FDFT1: variants seen among roughly 807,000 people sequenced by gnomAD.
FDFT1 encodes the protein farnesyl-diphosphate farnesyltransferase 1.
In FDFT1, 68 loss-of-function variants were observed where a neutral mutation model predicts 46.8. The ratio of observed to expected loss-of-function variants is 1.45; its 90% CI spans 1.19 to 1.78. The LOEUF is 1.78. Among genes scored for constraint, FDFT1 ranks in the 40% most tolerant of loss-of-function variants. The pLI, the probability that FDFT1 is intolerant of heterozygous loss-of-function variation, is 0.00. For missense variants in FDFT1, 928 were observed against 524.4 expected (o/e 1.77, Z -7.52); for synonymous variants, 351 against 185.1 (o/e 1.90, Z -7.28).
At chr8:11,809,533 G>T in intron 2 of FDFT1, 134 bp from the exon 3 acceptor site, 2 of 1,300,664 alleles carry the variant, frequency 1.5e-6, no homozygotes, top group Non-Finnish European at 2.0e-6. Flanking sequence ...AGTATGAAAA[G>T]CGTTGGATAT....
intron 3 of FDFT1, among the ~76,000 whole-genome samples, chr8:11,816,181 T>G (rs1808419498): frequency 6.6e-6 from 1 of 152,200 alleles, no homozygotes; most frequent in Non-Finnish European, 1.5e-5. Context: ...TGGCTGTAGA[T>G]GTGTAGTGTT....
chr8:11,830,698 G>A (rs1204815964), intron 6 of FDFT1, among the ~76,000 whole-genome samples: 1 of 152,162 alleles, frequency 6.6e-6, no homozygotes, highest in Non-Finnish European at 1.5e-5. Context: ...TCACAGTTAA[G>A]TCAAGGTCTT....
At position 11,834,503 on chromosome 8, in the gene FDFT1, C is replaced by T. The variant is rs1811276231; in HGVS notation, c.1032+2833C>T. Among the ~76,000 whole-genome samples, 2 of 152,164 alleles carry T rather than the reference C, an allele frequency of 1.3e-5. 1 individual carries two copies. On this transcript the variant is annotated intron_variant, in intron 7 of 7. Coordinates refer to ENST00000220584, the MANE Select transcript of FDFT1 (RefSeq NM_004462.5). The stretch of plus-strand genomic sequence containing the variant: ...AGAGAATCATCCGGCTCTTTGAGCC[C>T]CAGGTGCCTAGCTGCTCAAGGATGG...
Position 11,808,891 on chromosome 8 carries a change from G to A in FDFT1, c.197G>A (p.Arg66His). The A allele has an allele frequency of 1.2e-6, 2 of 1,613,014 alleles. No individual in the cohort carries two copies. The highest frequency in any genetic ancestry group is 1.7e-6 in the Non-Finnish European group (2 of 1,179,606). Residue 66 changes from arginine (R) to histidine (H), a missense_variant and splice_region_variant, in exon 2 of 8, where the codon CGC (arginine) becomes CAC (histidine). Transcript: ENST00000220584. ...AVIQALDGEM[R>H]NAVCIFYLVL... The stretch of plus-strand genomic sequence containing the variant: ...ATCCAGGCGCTGGATGGGGAAATGC[G>A]GTGAGTGATGGAGGCAGCGCCTCTG...
intron 6 of FDFT1, among the ~76,000 whole-genome samples, 156 bp from the exon 7 acceptor site, chr8:11,831,362 T>C (rs1810755971): frequency 1.3e-5 from 2 of 152,252 alleles, no homozygotes; most frequent in Non-Finnish European, 1.5e-5. Context: ...AATCTTGACA[T>C]ACTTTCTTCG....
chr8:11,807,021 T>C (rs977763353), intron 1 of FDFT1, among the ~76,000 whole-genome samples: 18 of 108,636 alleles, frequency 1.7e-4, no homozygotes, highest in African/African-American at 4.2e-4. Flanking sequence ...ATAGGAAATA[T>C]ATACAAATAA....
Position 11,838,606 on chromosome 8 carries a change from C to G in FDFT1, c.1251C>G (p.His417Gln), listed in dbSNP as rs80310078. ...AAGACTATGTTCAGACTGGAGAACA[C>G]TGATCCCAAATTTGTCCATAGCTGA... is the stretch of plus-strand genomic sequence containing the variant. ...VTEDYVQTGE[H>Q] is the part of the protein sequence containing the mutation. Residue 417 changes from histidine to glutamine, a missense_variant, in exon 8 of 8, where the codon CAC becomes CAG. Physicochemically the swap from His to Gln is conservative, Grantham distance 24. Transcript: ENST00000220584. 1,360 of 1,612,006 alleles carry G rather than the reference C, an allele frequency of 8.4e-4. 23 individuals are homozygous for G. In the East Asian group the frequency reaches 0.026, roughly 31 times the overall value.
At chr8:11,816,595 G>C (rs1313204481) in intron 3 of FDFT1, among the ~76,000 whole-genome samples, 1 of 152,136 alleles carries the variant, frequency 6.6e-6, no homozygotes, top group Non-Finnish European at 1.5e-5. Context: ...TCCCTTGTAA[G>C]TTGGATTCCT....
At chr8:11,803,223 C>G in intron 1 of FDFT1, 1 of 1,399,846 alleles carries the variant, frequency 7.1e-7, no homozygotes, top group African/African-American at 1.4e-5. Flanking sequence ...TCGGCGCTTA[C>G]CGGTATTTTA....
chr8:11,837,257 G>A (rs1284577090), intron 7 of FDFT1, among the ~76,000 whole-genome samples: 3 of 152,192 alleles, frequency 2.0e-5, no homozygotes, highest in Admixed American at 6.5e-5. Context: ...TTGAGACAGG[G>A]TCTTGTTCTG....
chr8:11,822,175 G>T (rs1436096415), intron 4 of FDFT1, among the ~76,000 whole-genome samples: 1 of 152,196 alleles, frequency 6.6e-6, no homozygotes, highest in Admixed American at 6.5e-5. Context: ...ATAAGGTAGG[G>T]TTAGGAGTCT....
At chr8:11,825,499 C>T (rs1255324063) in intron 4 of FDFT1, among the ~76,000 whole-genome samples, 1 of 148,566 alleles carries the variant, frequency 6.7e-6, no homozygotes, top group Admixed American at 6.7e-5. Flanking sequence ...GAGATTGTGC[C>T]AGTGCACTCC....
intron 4 of FDFT1, 61 bp downstream of exon 4, chr8:11,821,939 G>C (rs897693235): frequency 1.3e-6 from 2 of 1,579,476 alleles, no homozygotes; most frequent in Non-Finnish European, 1.7e-6. Context: ...AGTCCTCATA[G>C]TGAAGCTCAG....
upstream of FDFT1, among the ~76,000 whole-genome samples, chr8:11,799,056 G>A (rs931454684): frequency 6.6e-6 from 1 of 152,146 alleles, no homozygotes; most frequent in Admixed American, 6.5e-5. Flanking sequence ...TTATGATGGC[G>A]GACCTGACAC....
intron 4 of FDFT1, among the ~76,000 whole-genome samples, chr8:11,823,200 C>A (rs1366402527): frequency 2.0e-5 from 3 of 152,162 alleles, no homozygotes; most frequent in Non-Finnish European, 4.4e-5. Context: ...AAACAGTCCT[C>A]CCACTCTGGC....
At chr8:11,807,146 A>G (rs1806959757) in intron 1 of FDFT1, among the ~76,000 whole-genome samples, 1 of 151,980 alleles carries the variant, frequency 6.6e-6, no homozygotes, top group Admixed American at 6.6e-5. Context: ...AACCACTCCT[A>G]TTGGATATTT....
At chr8:11,820,713 G>A (rs1280242367) in intron 3 of FDFT1, among the ~76,000 whole-genome samples, 2 of 152,160 alleles carry the variant, frequency 1.3e-5, no homozygotes. Context: ...TGCCAGTTGC[G>A]AAGACTGGGA....
At chr8:11,804,984 C>T (rs886936695) in intron 1 of FDFT1, among the ~76,000 whole-genome samples, 13 of 143,068 alleles carry the variant, frequency 9.1e-5, no homozygotes, top group Non-Finnish European at 1.8e-4. Context: ...ACATGACTCA[C>T]TCCAGTTTTG....
At chr8:11,809,407 G>T (rs924728676) in intron 2 of FDFT1, 3 of 1,213,486 alleles carry the variant, frequency 2.5e-6, no homozygotes, top group Non-Finnish European at 3.1e-6. Flanking sequence ...TTCTACATTG[G>T]TTAAATGCAA....
Sources: gnomAD v4.1 joint callset for allele counts (sites outside exome capture counted in the v4.1 genomes callset) on GRCh38, gnomAD v4.1.1 for gene constraint, MANE v1.5 for transcripts, NCBI Gene and HGNC (gene_info 2026-07-23, HGNC 2026-07-21) for gene names.